NXPE4: variants seen among roughly 807,000 people sequenced by gnomAD.
The protein encoded by NXPE4 is neurexophilin and PC-esterase domain family member 4, also known as NXPE family member 4.
Under a neutral mutation model 33.3 loss-of-function variants are expected in NXPE4, and 42 were observed. That is an observed-to-expected ratio of 1.26 (90% CI 0.98 to 1.63). The LOEUF is 1.63. Ranked by LOEUF, NXPE4 falls within the 40% of genes most tolerant of loss-of-function variation. NXPE4 has a pLI of 0.00. For missense variants in NXPE4, 709 were observed against 647.6 expected, an observed-to-expected ratio of 1.09 and a Z score of -1.03; for synonymous variants, 253 against 234.9, an observed-to-expected ratio of 1.08 and a Z score of -0.71.
intron 5 of NXPE4, among the ~76,000 whole-genome samples, chr11:114,577,800 A>T (rs1318403655): frequency 6.6e-6 from 1 of 152,176 alleles, no homozygotes; most frequent in Non-Finnish European, 1.5e-5. Context: ...CTATTTCCCC[A>T]GCCACTCTTT....
At position 114,582,851 on chromosome 11, in the gene NXPE4, G is replaced by A. The variant is rs1398114645; in HGVS notation, c.267C>T (p.Thr89=). 6.2e-7 allele frequency: 1 copy of A among 1,614,054 alleles called. No homozygotes were observed. Among genetic ancestry groups the A allele is most frequent in the Admixed American group, 1.7e-5 (1 of 60,006 alleles). ...TGGCGCTGGTGGTGGTGTTCACGTG[G>A]GTGAAAGGTCTGGGTGGGATCTGCT... ...LDQQIPPRPF[T]HVNTTTSATH... The change falls in exon 3 of 6, where the codon ACC becomes ACT. Residue 89 remains threonine (T), a synonymous_variant. Coordinates refer to ENST00000375478, the MANE Select transcript of NXPE4 (RefSeq NM_001077639.2).
chr11:114,632,714 AAT>A, the NXPE4 span, among the ~76,000 whole-genome samples: 3 of 74,068 alleles, frequency 4.1e-5, no homozygotes, highest in African/African-American at 1.1e-4. Context: ...AATATAATAT[AAT>A]ATATATAATA....
In NXPE4 at chr11:114,570,672, T is replaced by C; in HGVS notation, c.*266A>G. On this transcript the variant is annotated 3_prime_UTR_variant, in exon 6 of 6. Coordinates refer to ENST00000375478, the MANE Select transcript of NXPE4 (RefSeq NM_001077639.2). The stretch of plus-strand genomic sequence containing the variant: ...CAGAGAGAACTTTTACCCATAGGTG[T>C]CTTGACTTCCCATTGGTGAAGAGGG... 3.7e-6 allele frequency: 1 copy of C among 268,924 alleles called. No homozygotes were observed. The highest frequency in any genetic ancestry group is 6.9e-6 in the Non-Finnish European group (1 of 144,848). The allele number at this position is 268,924 out of a possible 1,614,324, so 16.7% of individuals were successfully genotyped here.
At chr11:114,621,164 ATAAT>A in the NXPE4 span, among the ~76,000 whole-genome samples, 2 of 152,214 alleles carry the variant, frequency 1.3e-5, no homozygotes, top group South Asian at 4.2e-4. Context: ...TACCCAGTGG[ATAAT>A]TAGTGTTGCC....
At chr11:114,635,674 A>G in the NXPE4 span, among the ~76,000 whole-genome samples, 1 of 151,806 alleles carries the variant, frequency 6.6e-6, no homozygotes, top group Admixed American at 6.6e-5. Flanking sequence ...TTTAGCCTGA[A>G]GTATTGTTGA....
the NXPE4 span, among the ~76,000 whole-genome samples, chr11:114,672,165 C>T: frequency 1.3e-5 from 2 of 152,000 alleles, no homozygotes; most frequent in Non-Finnish European, 2.9e-5. Context: ...TCACTTCCCA[C>T]CAGATCCCTC....
the NXPE4 span, among the ~76,000 whole-genome samples, chr11:114,651,232 C>T: frequency 6.6e-6 from 1 of 151,930 alleles, no homozygotes; most frequent in Admixed American, 6.6e-5. Flanking sequence ...TCTGGGGTTT[C>T]TTCCTTCAGA....
chr11:114,594,611 G>A, intron 2 of NXPE4, 53 bp downstream of exon 2: 3 of 1,145,636 alleles, frequency 2.6e-6, no homozygotes, highest in South Asian at 1.3e-5. Context: ...GAACAGATGA[G>A]GTAATAAGCA....
At chr11:114,638,191 C>T in the NXPE4 span, among the ~76,000 whole-genome samples, 1 of 151,934 alleles carries the variant, frequency 6.6e-6, no homozygotes, top group Non-Finnish European at 1.5e-5. Flanking sequence ...CTAAACTTCC[C>T]TTCTCGCTTC....
intron 5 of NXPE4, among the ~76,000 whole-genome samples, chr11:114,572,786 A>T (rs566417489): frequency 3.3e-5 from 5 of 152,318 alleles, no homozygotes; most frequent in African/African-American, 1.2e-4. Context: ...TGGAAAACAT[A>T]TTTGAGGGAC....
chr11:114,617,714 ACCCAATGCGTAATAAGTATTGCC>A, the NXPE4 span, among the ~76,000 whole-genome samples: 3 of 152,284 alleles, frequency 2.0e-5, no homozygotes, highest in East Asian at 5.8e-4. Flanking sequence ...AACCACTGTT[ACCCAATGCGTAATAAGTATTGCC>A]TCCTTGGTAA....
upstream of NXPE4, among the ~76,000 whole-genome samples, chr11:114,599,015 C>T (rs1386640402): frequency 6.6e-6 from 1 of 152,168 alleles, no homozygotes. Flanking sequence ...GCAAATTTTC[C>T]AAACTTTTAT....
the NXPE4 span, among the ~76,000 whole-genome samples, chr11:114,666,143 C>T: frequency 6.6e-6 from 1 of 152,150 alleles, no homozygotes; most frequent in Non-Finnish European, 1.5e-5. Context: ...ATCCTTTCCA[C>T]TGACCTTCTC....
the NXPE4 span, among the ~76,000 whole-genome samples, chr11:114,627,970 C>T: frequency 6.6e-6 from 1 of 152,048 alleles, no homozygotes; most frequent in Non-Finnish European, 1.5e-5. Context: ...GAAGAGCTAA[C>T]TATCCTAAAT....
At chr11:114,626,928 GATGAAATGA>G in the NXPE4 span, among the ~76,000 whole-genome samples, 1 of 151,986 alleles carries the variant, frequency 6.6e-6, no homozygotes, top group South Asian at 2.1e-4. Flanking sequence ...AGTGATGGAA[GATGAAATGA>G]ATGAAATGAA....
the NXPE4 span, among the ~76,000 whole-genome samples, chr11:114,673,704 C>T: frequency 0.16 from 23,775 of 151,750 alleles, 2,157 homozygotes; most frequent in South Asian, 0.2. Context: ...GAAAGTTAAA[C>T]TTGGGAATTG....
intron 5 of NXPE4, among the ~76,000 whole-genome samples, chr11:114,575,644 G>T (rs1039435515): frequency 5.3e-5 from 8 of 151,822 alleles, no homozygotes; most frequent in African/African-American, 1.9e-4. Context: ...ACCTAGCCAA[G>T]GATGTCAAAG....
At chr11:114,603,840 A>G in the NXPE4 span, among the ~76,000 whole-genome samples, 1 of 151,814 alleles carries the variant, frequency 6.6e-6, no homozygotes, top group Non-Finnish European at 1.5e-5. Flanking sequence ...CTGGTGGATA[A>G]TAAGTATTGC....
At chr11:114,653,575 G>A in the NXPE4 span, among the ~76,000 whole-genome samples, 12 of 125,490 alleles carry the variant, frequency 9.6e-5, no homozygotes, top group East Asian at 9.9e-4. Context: ...TTGCTCTGTC[G>A]CCCAGGCAGT....
Sources: gnomAD v4.1 joint callset for allele counts (sites outside exome capture counted in the v4.1 genomes callset) on GRCh38, gnomAD v4.1.1 for gene constraint, MANE v1.5 for transcripts, NCBI Gene and HGNC (gene_info 2026-07-23, HGNC 2026-07-21) for gene names.